DPP6: variants seen among roughly 807,000 people sequenced by gnomAD.
The protein encoded by DPP6 is dipeptidyl peptidase like 6, also known as A-type potassium channel modulatory protein DPP6.
A neutral mutation model predicts 122.6 loss-of-function variants in DPP6; 69 were observed. That is an observed-to-expected ratio of 0.56 (90% CI 0.46 to 0.69). DPP6 has a LOEUF of 0.69. Ranked by LOEUF, DPP6 falls within the 30% of genes least tolerant of loss-of-function variation. DPP6 has a pLI of 0.00. For missense variants in DPP6, 928 were observed against 1,116.9 expected (o/e 0.83, Z 2.41); for synonymous variants, 418 against 433.1 (o/e 0.97, Z 0.43).
At chr7:153,913,183 T>C (rs1309627418) in intron 1 of DPP6, among the ~76,000 whole-genome samples, 4 of 152,170 alleles carry the variant, frequency 2.6e-5, no homozygotes, top group Non-Finnish European at 5.9e-5. Flanking sequence ...CAAGCAATTC[T>C]CATGCCTCAG....
intron 2 of DPP6, among the ~76,000 whole-genome samples, chr7:154,448,921 A>T (rs567294904): frequency 2.0e-5 from 3 of 152,230 alleles, no homozygotes; most frequent in Non-Finnish European, 1.5e-5. Context: ...GATGAACTCA[A>T]TGTGGACCAA....
chr7:154,204,368 C>T (rs1344369854), intron 1 of DPP6, among the ~76,000 whole-genome samples: 1 of 152,208 alleles, frequency 6.6e-6, no homozygotes, highest in Non-Finnish European at 1.5e-5. Context: ...TTAATCTCAT[C>T]CTCTTTGTGG....
At chr7:153,901,543 A>G (rs1283235863) in intron 1 of DPP6, among the ~76,000 whole-genome samples, 10 of 152,274 alleles carry the variant, frequency 6.6e-5, no homozygotes, top group African/African-American at 1.2e-4. Context: ...AGAAAGTGGT[A>G]TTAGATTGAT....
At chr7:153,831,952 A>C in the DPP6 span, among the ~76,000 whole-genome samples, 1 of 152,242 alleles carries the variant, frequency 6.6e-6, no homozygotes, top group Non-Finnish European at 1.5e-5. Context: ...TTATGATTTC[A>C]TAAAGTTCCC....
At chr7:153,802,638 G>A in the DPP6 span, among the ~76,000 whole-genome samples, 1 of 152,152 alleles carries the variant, frequency 6.6e-6, no homozygotes, top group African/African-American at 2.4e-5. Context: ...TTATCTCTGT[G>A]ATGCTGCTGC....
intron 7 of DPP6, among the ~76,000 whole-genome samples, chr7:154,701,158 A>G (rs1196591682): frequency 7.9e-5 from 12 of 152,130 alleles, no homozygotes; most frequent in Non-Finnish European, 1.3e-4. Context: ...TCAGGCCGCA[A>G]GAATTAACCT....
chr7:154,721,348 C>T (rs1416382897), intron 7 of DPP6, among the ~76,000 whole-genome samples: 1 of 152,166 alleles, frequency 6.6e-6, no homozygotes, highest in Non-Finnish European at 1.5e-5. Context: ...CCACCAGCTG[C>T]TGGGCAAGTT....
chr7:154,164,497 CT>C (rs1319611832), intron 1 of DPP6, among the ~76,000 whole-genome samples: 4 of 152,044 alleles, frequency 2.6e-5, no homozygotes, highest in African/African-American at 9.7e-5. Context: ...AAAATCTACC[CT>C]TTTAAAGGGT....
intron 1 of DPP6, among the ~76,000 whole-genome samples, chr7:154,000,527 T>C (rs1010064212): frequency 3.3e-5 from 5 of 152,290 alleles, no homozygotes; most frequent in African/African-American, 1.2e-4. Flanking sequence ...ACCCTGCGTA[T>C]GTATGTGGAA....
intron 17 of DPP6, among the ~76,000 whole-genome samples, chr7:154,857,660 G>A (rs886821223): frequency 1.3e-5 from 2 of 152,216 alleles, no homozygotes; most frequent in Non-Finnish European, 2.9e-5. Flanking sequence ...GAAGGCAGGT[G>A]CCTGGTGCTT....
intron 1 of DPP6, among the ~76,000 whole-genome samples, chr7:154,011,167 A>G (rs1798138270): frequency 6.6e-6 from 1 of 152,140 alleles, no homozygotes; most frequent in South Asian, 2.1e-4. Flanking sequence ...AGTCCTGACA[A>G]ATTACTCCCT....
chr7:154,825,848 C>T (rs923746040), intron 16 of DPP6, among the ~76,000 whole-genome samples: 2 of 152,210 alleles, frequency 1.3e-5, no homozygotes, highest in Non-Finnish European at 2.9e-5. Context: ...AGGTAGAAAA[C>T]AAAGATCAGG....
At chr7:154,195,637 A>G (rs186064459) in intron 1 of DPP6, among the ~76,000 whole-genome samples, 33 of 152,362 alleles carry the variant, frequency 2.2e-4, no homozygotes, top group Non-Finnish European at 4.6e-4. Context: ...GAGGGACCAC[A>G]TGACCTCCAT....
chr7:154,662,273 G>T (rs1837756240), intron 6 of DPP6, among the ~76,000 whole-genome samples: 1 of 151,618 alleles, frequency 6.6e-6, no homozygotes, highest in Non-Finnish European at 1.5e-5. Context: ...TAGTCATGGT[G>T]AATCAGCATG....
Position 153,950,081 on chromosome 7 carries a change from A to G in DPP6, c.51+62347A>G, listed in dbSNP as rs191902152. Among the ~76,000 whole-genome samples the G allele has an allele frequency of 2.6e-5, 4 of 152,340 alleles. No homozygotes were observed. The East Asian group carries it at 7.7e-4, about 29-fold the overall frequency. Reference sequence around the variant, plus strand: ...CAGACAGGGCAAGAGCACTTCTTATAAAAATTAGCATACAGAGGGATCATT... The same window carrying G: ...CAGACAGGGCAAGAGCACTTCTTATGAAAATTAGCATACAGAGGGATCATT... On this transcript the variant is annotated intron_variant, in intron 1 of 25. Transcript: ENST00000404039.
the DPP6 span, among the ~76,000 whole-genome samples, chr7:153,800,015 G>A: frequency 6.6e-6 from 1 of 152,142 alleles, no homozygotes; most frequent in African/African-American, 2.4e-5. Flanking sequence ...ACAGTATGGA[G>A]GGTTCTCAAA....
In DPP6 at chr7:154,861,532, C is replaced by T. The variant is rs139020936; in HGVS notation, c.1715-6463C>T. On this transcript the variant is annotated intron_variant, in intron 17 of 25. Transcript: ENST00000377770. ...CCGTCACCCCAGAATTCTGTCCTAA[C>T]GTCATTTAATCTTGGAAATATTTTA... Among the ~76,000 whole-genome samples, 21 of 152,214 alleles carry T rather than the reference C, an allele frequency of 1.4e-4. No homozygotes were observed. In the South Asian group the frequency reaches 1.5e-3, roughly 11 times the overall value.
intron 1 of DPP6, among the ~76,000 whole-genome samples, chr7:153,943,187 A>T (rs1801778920): frequency 6.6e-6 from 1 of 152,224 alleles, no homozygotes; most frequent in Non-Finnish European, 1.5e-5. Context: ...CACGAAATAC[A>T]AAAGTCTGAA....
intron 6 of DPP6, among the ~76,000 whole-genome samples, chr7:154,641,224 A>G (rs573939122): frequency 1.5e-4 from 23 of 152,160 alleles, no homozygotes; most frequent in Non-Finnish European, 3.2e-4. Flanking sequence ...AGACAGCTGA[A>G]TTTTGATATA....
Sources: allele counts gnomAD v4.1 joint callset (sites outside exome capture counted in the v4.1 genomes callset), GRCh38; gene constraint gnomAD v4.1.1; transcripts MANE v1.5; gene names NCBI Gene and HGNC (gene_info 2026-07-23, HGNC 2026-07-21).